Variants in CSGALNACT1 observed in about 807,000 individuals in gnomAD.
CSGALNACT1 encodes the protein beta4GalNAcT-1.
CSGALNACT1 carries 52 observed loss-of-function variants against 51.0 expected under a neutral mutation model. The ratio of observed to expected loss-of-function variants is 1.02; its 90% CI spans 0.82 to 1.29. CSGALNACT1 has a LOEUF of 1.29. Ranked by LOEUF, CSGALNACT1 falls within the 50% of genes most tolerant of loss-of-function variation. The pLI is 0.00. For synonymous variants in CSGALNACT1, 341 were observed against 254.4 expected, an observed-to-expected ratio of 1.34 and a Z score of -3.24; for missense variants, 935 against 679.2, an observed-to-expected ratio of 1.38 and a Z score of -4.19.
At chr8:19,482,200 T>C (rs749235647) in intron 4 of CSGALNACT1, among the ~76,000 whole-genome samples, 2 of 152,236 alleles carry the variant, frequency 1.3e-5, no homozygotes, top group Non-Finnish European at 2.9e-5. Flanking sequence ...ATAATGGACA[T>C]GTTCTTAATC....
chr8:19,699,163 C>G (rs111573898), intron 1 of CSGALNACT1, among the ~76,000 whole-genome samples: 2 of 152,288 alleles, frequency 1.3e-5, no homozygotes, highest in East Asian at 3.9e-4. Context: ...TGAGCCACCG[C>G]GCCCAGCCTC....
intron 3 of CSGALNACT1, among the ~76,000 whole-genome samples, chr8:19,587,417 T>C (rs1261829392): frequency 1.3e-5 from 2 of 152,210 alleles, no homozygotes; most frequent in Non-Finnish European, 2.9e-5. Context: ...AGAAATGTCA[T>C]GGGTGGTAAG....
At chr8:19,555,283 T>C (rs2089442337) in intron 3 of CSGALNACT1, among the ~76,000 whole-genome samples, 1 of 151,872 alleles carries the variant, frequency 6.6e-6, no homozygotes, top group African/African-American at 2.4e-5. Flanking sequence ...AAGGGTCAGT[T>C]ATAGGAGTTA....
intron 5 of CSGALNACT1, among the ~76,000 whole-genome samples, chr8:19,451,402 C>G (rs568341005): frequency 6.6e-6 from 1 of 152,254 alleles, no homozygotes; most frequent in African/African-American, 2.4e-5. Flanking sequence ...TTTTATTAAA[C>G]TTGTATTTTT....
At chr8:19,632,261 A>T (rs2055371895) in intron 1 of CSGALNACT1, among the ~76,000 whole-genome samples, 1 of 152,252 alleles carries the variant, frequency 6.6e-6, no homozygotes, top group Admixed American at 6.5e-5. Context: ...TGCCTTGGAA[A>T]ATTATTGGCA....
chr8:19,640,222 T>G (rs530839382), intron 1 of CSGALNACT1, among the ~76,000 whole-genome samples: 1 of 152,372 alleles, frequency 6.6e-6, no homozygotes, highest in East Asian at 1.9e-4. Flanking sequence ...CACACATCAG[T>G]GTAATATTTG....
chr8:19,437,344 C>A (rs1196504989), intron 6 of CSGALNACT1, among the ~76,000 whole-genome samples: 2 of 152,098 alleles, frequency 1.3e-5, no homozygotes, highest in Non-Finnish European at 1.5e-5. Context: ...GGCTAGGGAG[C>A]AGTGAGTCGT....
intron 1 of CSGALNACT1, among the ~76,000 whole-genome samples, chr8:19,623,766 A>G (rs1194475193): frequency 1.3e-5 from 2 of 152,258 alleles, no homozygotes; most frequent in African/African-American, 2.4e-5. Flanking sequence ...GGACCTATTG[A>G]TAATAAATCC....
At chr8:19,637,157 G>C (rs1458067409) in intron 1 of CSGALNACT1, among the ~76,000 whole-genome samples, 1 of 152,162 alleles carries the variant, frequency 6.6e-6, no homozygotes, top group South Asian at 2.1e-4. Context: ...AGTGAGTGGA[G>C]ATCGCACCAT....
At chr8:19,530,439 G>A (rs969809156) in intron 3 of CSGALNACT1, among the ~76,000 whole-genome samples, 4 of 152,070 alleles carry the variant, frequency 2.6e-5, no homozygotes, top group Non-Finnish European at 5.9e-5. Context: ...TAACATAGAT[G>A]AGTAACAGAT....
At chr8:19,491,985 C>T (rs2074446143) in intron 4 of CSGALNACT1, among the ~76,000 whole-genome samples, 1 of 152,184 alleles carries the variant, frequency 6.6e-6, no homozygotes, top group East Asian at 1.9e-4. Context: ...GGCCAAAGTA[C>T]ACTCTGTGCT....
At chr8:19,410,140 C>T (rs1324447940) in intron 8 of CSGALNACT1, among the ~76,000 whole-genome samples, 1 of 152,166 alleles carries the variant, frequency 6.6e-6, no homozygotes, top group Non-Finnish European at 1.5e-5. Context: ...GACCTGCTGC[C>T]ACCCTCTCCT....
Position 19,467,893 on chromosome 8 carries a change from G to A in CSGALNACT1, c.635-9251C>T, listed in dbSNP as rs535129893. ...CCCAGATAGTCAGGAGGCTGAGGTA[G>A]GAGGATCACTTAAACCCAGGAGTTG... is the stretch of plus-strand genomic sequence containing the variant. On this transcript the variant is annotated intron_variant, in intron 4 of 9. Coordinates refer to ENST00000454498, the Ensembl canonical transcript of CSGALNACT1. Among the ~76,000 whole-genome samples, 30 of 152,318 alleles carry A rather than the reference G, an allele frequency of 2.0e-4. 1 individual carries two copies. In the East Asian group the frequency reaches 5.2e-3, roughly 26 times the overall value.
At chr8:19,647,885 A>T (rs537959329) in intron 1 of CSGALNACT1, among the ~76,000 whole-genome samples, 2 of 152,336 alleles carry the variant, frequency 1.3e-5, no homozygotes, top group African/African-American at 4.8e-5. Context: ...TAATTTGCAT[A>T]ATGAGACATT....
chr8:19,492,272 G>C (rs2074512248), intron 4 of CSGALNACT1, among the ~76,000 whole-genome samples: 1 of 152,134 alleles, frequency 6.6e-6, no homozygotes. Context: ...GCTATGCCTG[G>C]GACATAGTAG....
chr8:19,684,682 T>C (rs2060874454), upstream of CSGALNACT1, among the ~76,000 whole-genome samples: 1 of 152,134 alleles, frequency 6.6e-6, no homozygotes, highest in Non-Finnish European at 1.5e-5. Flanking sequence ...CTCCCTGTGC[T>C]GCCCCTGGGA....
upstream of CSGALNACT1, among the ~76,000 whole-genome samples, chr8:19,685,220 G>A (rs552451080): frequency 3.3e-5 from 5 of 152,180 alleles, no homozygotes; most frequent in Non-Finnish European, 7.3e-5. Flanking sequence ...GCAAGATAAT[G>A]GGAGTTTTTT....
chr8:19,664,089 C>A (rs186882506), intron 1 of CSGALNACT1, among the ~76,000 whole-genome samples: 1 of 152,174 alleles, frequency 6.6e-6, no homozygotes, highest in Non-Finnish European at 1.5e-5. Context: ...CACAATGGCT[C>A]GGCCCAGGCT....
Position 19,411,116 on chromosome 8 carries a change from G to T in CSGALNACT1, c.1228-2422C>A, listed in dbSNP as rs190026147. On this transcript the variant is annotated intron_variant, in intron 8 of 9. Coordinates refer to ENST00000454498, the Ensembl canonical transcript of CSGALNACT1. Reference sequence around the variant, plus strand: ...AGGTCTCCAAGGCCAGATACTTGCAGTCCTTCCTGCCTGGGTCACCCTTTC... The same window carrying T: ...AGGTCTCCAAGGCCAGATACTTGCATTCCTTCCTGCCTGGGTCACCCTTTC... Among the ~76,000 whole-genome samples the T allele has an allele frequency of 2.6e-5, 4 of 152,208 alleles. No homozygotes were observed. The East Asian group carries it at 7.7e-4, about 29-fold the overall frequency.
Sources: gnomAD v4.1 joint callset for allele counts (sites outside exome capture counted in the v4.1 genomes callset) on GRCh38, gnomAD v4.1.1 for gene constraint, MANE v1.5 for transcripts, NCBI Gene and HGNC (gene_info 2026-07-23, HGNC 2026-07-21) for gene names.